The following USP53 variants were observed in gnomAD, a reference collection of about 807,000 sequenced individuals.
USP53 encodes the protein ubiquitin specific peptidase 53.
Under a neutral mutation model 94.9 loss-of-function variants are expected in USP53, and 71 were observed. The observed-to-expected ratio is 0.75, with a 90% CI of 0.62 to 0.91. The LOEUF (loss-of-function observed/expected upper bound fraction) is 0.91. USP53 is among the 40% of genes least tolerant of loss of function. The pLI is 0.00. For synonymous variants in USP53, 375 were observed against 422.7 expected, an observed-to-expected ratio of 0.89 and a Z score of 1.39; for missense variants, 1,173 against 1,281.0, an observed-to-expected ratio of 0.92 and a Z score of 1.29.
At chr4:119,215,950 A>C (rs1368538140) in intron 2 of USP53, among the ~76,000 whole-genome samples, 1 of 152,228 alleles carries the variant, frequency 6.6e-6, no homozygotes, top group Non-Finnish European at 1.5e-5. Flanking sequence ...ATTACAAAAA[A>C]GAAGTTTTAA....
intron 6 of USP53, among the ~76,000 whole-genome samples, chr4:119,248,086 A>G (rs1748488151): frequency 6.6e-6 from 1 of 152,160 alleles, no homozygotes; most frequent in African/African-American, 2.4e-5. Flanking sequence ...TCCATGTAAG[A>G]TGATTGTCAT....
At chr4:119,219,427 A>G (rs11943184) in intron 3 of USP53, 52,523 of 152,008 alleles carry the variant, frequency 0.35, 9,179 homozygotes, top group African/African-American at 0.38. Context: ...TCTTATAATG[A>G]CTGCTACCAG....
chr4:119,274,411 T>G (rs1323598380), intron 17 of USP53, among the ~76,000 whole-genome samples: 7 of 152,098 alleles, frequency 4.6e-5, no homozygotes, highest in Non-Finnish European at 1.5e-5. Flanking sequence ...TCCATGTCCC[T>G]ACAAAGGACA....
At chr4:119,263,948 CCAG>C (rs779557518) in intron 12 of USP53, among the ~76,000 whole-genome samples, 1 of 152,088 alleles carries the variant, frequency 6.6e-6, no homozygotes, top group Non-Finnish European at 1.5e-5. Context: ...ACCTGTAGTC[CCAG>C]CTACTCAGGA....
intron 12 of USP53, chr4:119,266,452 A>T (rs936638928): frequency 2.4e-6 from 1 of 419,946 alleles, no homozygotes; most frequent in Non-Finnish European, 4.7e-6. Context: ...TCTCAGCAGC[A>T]CTTCGTGTTG....
chr4:119,246,409 G>A (rs1474033667), intron 6 of USP53, among the ~76,000 whole-genome samples: 2 of 152,204 alleles, frequency 1.3e-5, no homozygotes, highest in Non-Finnish European at 2.9e-5. Flanking sequence ...TCTGGACACA[G>A]CTAGAGCTGA....
chr4:119,261,612 A>G, intron 11 of USP53, 103 bp from the exon 12 acceptor site: 1 of 877,704 alleles, frequency 1.1e-6, no homozygotes, highest in Non-Finnish European at 1.7e-6. Context: ...GGCAGTATGC[A>G]TGAGAAATAT....
rs1274290589 is a variant in USP53, at chr4:119,294,816, G to A, written c.*1605G>A. ...GCCTTTTTAAACTATAATAGTGAGT[G>A]ATCATTACTTTATATTCTCGTAAGT... On this transcript the variant is annotated 3_prime_UTR_variant, in exon 19 of 19. Transcript: ENST00000692078. 1 of 152,062 alleles carries A rather than the reference G, an allele frequency of 6.6e-6. No homozygotes were observed. 9.4% of individuals were successfully genotyped at this position (152,062 alleles called of 1,614,324 possible).
At chr4:119,244,150 T>C (rs994106852) in intron 5 of USP53, among the ~76,000 whole-genome samples, 1 of 152,200 alleles carries the variant, frequency 6.6e-6, no homozygotes, top group Non-Finnish European at 1.5e-5. Context: ...TCTTTCTTGG[T>C]AAAATGGATT....
At chr4:119,218,035 G>A (rs1270305942) in intron 3 of USP53, 1 of 152,200 alleles carries the variant, frequency 6.6e-6, no homozygotes, top group African/African-American at 2.4e-5. Context: ...AAGGGTAGAA[G>A]CCAGGAGACA....
At chr4:119,278,451 G>A (rs1381614460) in intron 17 of USP53, among the ~76,000 whole-genome samples, 1 of 143,748 alleles carries the variant, frequency 7.0e-6, no homozygotes, top group African/African-American at 2.6e-5. Flanking sequence ...TGGCTTGTAG[G>A]GTTTCTGCCG....
chr4:119,271,896 G>T lies in USP53; in HGVS notation c.2036G>T (p.Trp679Leu). The change falls in exon 16 of 19, where the codon TGG becomes TTG. Residue 679 changes from tryptophan to leucine, a missense_variant. By Grantham distance (61) the Trp-to-Leu change is moderately conservative. Transcript: ENST00000692078. ...LVEGKVHGDN[W>L]QMQRTESGYE... ...GAGGGTAAAGTGCATGGTGATAATT[G>T]GCAGATGCAAAGGACTGAGTCTGGA... 6.2e-7 allele frequency: 1 copy of T among 1,614,102 alleles called. No homozygotes were observed. Among genetic ancestry groups the T allele is most frequent in the South Asian group, 1.1e-5 (1 of 91,056 alleles).
At chr4:119,259,459 T>C (rs1452512919) in intron 9 of USP53, among the ~76,000 whole-genome samples, 1 of 152,204 alleles carries the variant, frequency 6.6e-6, no homozygotes, top group Non-Finnish European at 1.5e-5. Flanking sequence ...TCCTACAGTT[T>C]GTTGTTCTTG....
At chr4:119,288,218 A>G (rs1305948561) in intron 17 of USP53, among the ~76,000 whole-genome samples, 2 of 152,272 alleles carry the variant, frequency 1.3e-5, no homozygotes, top group African/African-American at 4.8e-5. Flanking sequence ...AAATAAACCC[A>G]GTACATGCTA....
In USP53 at chr4:119,243,823, G is replaced by T. The variant is rs147618279; in HGVS notation, c.145-1514G>T. ...CAGTACAATTAGGTATAACATTAGT[G>T]TGATTTTAATGTCTGAGAAGGAAAG... On this transcript the variant is annotated intron_variant, in intron 5 of 18. Coordinates refer to ENST00000692078, the MANE Select transcript of USP53 (RefSeq NM_001371395.1). Among the ~76,000 whole-genome samples, 125 of 152,124 alleles carry T rather than the reference G, an allele frequency of 8.2e-4. 2 individuals carry two copies. The highest frequency in any genetic ancestry group is 3.4e-3 in the Middle Eastern group (1 of 294).
At chr4:119,248,057 A>G (rs1320011905) in intron 6 of USP53, among the ~76,000 whole-genome samples, 1 of 152,192 alleles carries the variant, frequency 6.6e-6, no homozygotes, top group Non-Finnish European at 1.5e-5. Flanking sequence ...GTGGGCTGTC[A>G]TTGAAAACTT....
intron 3 of USP53, among the ~76,000 whole-genome samples, chr4:119,230,802 G>A (rs1745959881): frequency 6.6e-6 from 1 of 152,172 alleles, no homozygotes. Context: ...CAACCACTGG[G>A]TGGGGAGCAA....
Position 119,271,833 on chromosome 4 carries a change from C to T in USP53, c.1973C>T (p.Ser658Phe). 6.2e-7 allele frequency: 1 copy of T among 1,612,904 alleles called. No individual in the cohort carries two copies. The highest frequency in any genetic ancestry group is 8.5e-7 in the Non-Finnish European group (1 of 1,179,758). Residue 658 changes from serine to phenylalanine, a missense_variant, in exon 16 of 19, where the codon TCT (serine) becomes TTT (phenylalanine). Physicochemically the swap from Ser to Phe is radical, Grantham distance 155. Coordinates refer to ENST00000692078, the MANE Select transcript of USP53 (RefSeq NM_001371395.1). Reference sequence around the variant, plus strand: ...ATAGGAAGCAGAAGTTCCCTTGAATCTAATGGAAAAGGAGCAGAGAAAAAT... The same window carrying T: ...ATAGGAAGCAGAAGTTCCCTTGAATTTAATGGAAAAGGAGCAGAGAAAAAT... ...QEIGSRSSLE[S>F]NGKGAEKNKG...
At chr4:119,216,969 T>A (rs1158411366) in intron 2 of USP53, among the ~76,000 whole-genome samples, 1 of 152,230 alleles carries the variant, frequency 6.6e-6, no homozygotes, top group African/African-American at 2.4e-5. Context: ...TGCCTATGTT[T>A]TGGCCATTTA....
Sources: allele counts gnomAD v4.1 joint callset (sites outside exome capture counted in the v4.1 genomes callset), GRCh38; gene constraint gnomAD v4.1.1; transcripts MANE v1.5; gene names NCBI Gene and HGNC (gene_info 2026-07-23, HGNC 2026-07-21).